SYNE1: variants seen among roughly 807,000 people sequenced by gnomAD.
SYNE1 encodes spectrin repeat containing nuclear envelope protein 1.
A neutral mutation model predicts 1,111.0 loss-of-function variants in SYNE1; 616 were observed. That is an observed-to-expected ratio of 0.55 (90% CI 0.52 to 0.59). SYNE1 has a LOEUF of 0.59. SYNE1 is among the 20% of genes least tolerant of loss of function. SYNE1 has a pLI of 0.00. For missense variants in SYNE1, 10,006 were observed against 10,417.0 expected (o/e 0.96, Z 1.72); for synonymous variants, 3,855 against 3,825.8 (o/e 1.01, Z -0.28).
rs138395598 is a variant in SYNE1, at chr6:152,364,686, G to GAGGAAGGA, written c.10145+153_10145+160dup. On this transcript the variant is annotated intron_variant, in intron 63 of 145. Coordinates refer to ENST00000367255, the MANE Select transcript of SYNE1 (RefSeq NM_182961.4). Reference sequence around the variant, plus strand: ...AGGGAGGGAAGGAGGAAGGAGGAAGGAGGAAGGAAGGAAGGAAGGAAGGAA... The same window carrying GAGGAAGGA: ...AGGGAGGGAAGGAGGAAGGAGGAAGGAGGAAGGAAGGAAGGAAGGAAGGAAGGAAGGAA... Among the ~76,000 whole-genome samples the GAGGAAGGA allele has an allele frequency of 0.047, 5,057 of 107,946 alleles. 268 individuals are homozygous for GAGGAAGGA. Among genetic ancestry groups the GAGGAAGGA allele is most frequent in the African/African-American group, 0.11 (2,966 of 26,302 alleles). The allele number at this position is 107,946 out of a possible 152,430, so 70.8% of individuals were successfully genotyped here.
intron 22 of SYNE1, chr6:152,456,798 C>A: frequency 2.3e-6 from 1 of 429,388 alleles, no homozygotes; most frequent in Non-Finnish European, 4.6e-6. Flanking sequence ...TTTCAGTATC[C>A]TCAACTGCGT....
chr6:152,426,559 C>T (rs943885654), intron 38 of SYNE1, among the ~76,000 whole-genome samples: 1 of 152,224 alleles, frequency 6.6e-6, no homozygotes, highest in Non-Finnish European at 1.5e-5. Context: ...TGGAGATGGG[C>T]AGCAACAGTT....
rs765969281 is a variant in SYNE1 at position 152,436,051 on chromosome 6, T to C, written c.4200A>G (p.Val1400=). ...ESIAVQAENL[V]KEASEIPLGP... The stretch of plus-strand genomic sequence containing the variant: ...CAAGCGGTATCTCTGAAGCTTCCTT[T>C]ACAAGGTTCTCAGCCTGGACTGCAA... Residue 1400 remains valine (V), a synonymous_variant, in exon 33 of 146, where the codon GTA becomes GTG. Coordinates refer to ENST00000367255, the MANE Select transcript of SYNE1 (RefSeq NM_182961.4). The C allele has an allele frequency of 1.2e-6, 2 of 1,613,986 alleles. No homozygotes were observed. Among genetic ancestry groups the C allele is most frequent in the African/African-American group, 1.3e-5 (1 of 74,914 alleles).
intron 40 of SYNE1, among the ~76,000 whole-genome samples, chr6:152,418,339 C>A (rs923888102): frequency 6.6e-6 from 1 of 152,226 alleles, no homozygotes; most frequent in African/African-American, 2.4e-5. Context: ...GATGGTAGAG[C>A]CTAAATTCAC....
Position 152,413,379 on chromosome 6 carries a change from T to A in SYNE1, c.6203A>T (p.Asp2068Val). The change falls in exon 42 of 146, where the codon GAT becomes GTT. Residue 2068 changes from aspartate to valine, a missense_variant. Asp to Val is a radical substitution (Grantham distance 152). Transcript: ENST00000367255. ...REINRLEVTWDDTKRLIHENQ... is the reference protein window; with the variant it reads ...REINRLEVTWVDTKRLIHENQ... Reference sequence around the variant, plus strand: ...TTCATGAATTAGTCTTTTGGTATCATCCCAGGTGACCTCTAAGCGGTTTAT... The same window carrying A: ...TTCATGAATTAGTCTTTTGGTATCAACCCAGGTGACCTCTAAGCGGTTTAT... The A allele has an allele frequency of 6.2e-7, 1 of 1,614,124 alleles. No homozygotes were observed. Among genetic ancestry groups the A allele is most frequent in the South Asian group, 1.1e-5 (1 of 91,086 alleles).
At chr6:152,361,852 A>T (rs1307167487) in intron 64 of SYNE1, among the ~76,000 whole-genome samples, 1 of 152,160 alleles carries the variant, frequency 6.6e-6, no homozygotes, top group African/African-American at 2.4e-5. Context: ...TGATAAAAAA[A>T]AAAAAAAAAG....
intron 8 of SYNE1, among the ~76,000 whole-genome samples, chr6:152,505,960 T>C (rs1454702616): frequency 6.6e-6 from 1 of 152,260 alleles, no homozygotes. Flanking sequence ...ATTGCAATTA[T>C]ATCTCAAAGT....
intron 127 of SYNE1, among the ~76,000 whole-genome samples, chr6:152,193,069 T>C (rs1039076415): frequency 4.6e-5 from 7 of 152,340 alleles, no homozygotes; most frequent in African/African-American, 1.4e-4. Context: ...AATGTTGTTA[T>C]TGATAAGTAA....
chr6:152,513,291 A>G lies in SYNE1; in HGVS notation c.310-2188T>C, dbSNP rs1022217252. ...CCAATGTGATTGTATTTGGAGAATG[A>G]GTCTTTAAAGAGATAATTGAAGTTA... is the stretch of plus-strand genomic sequence containing the variant. On this transcript the variant is annotated intron_variant, in intron 6 of 145. Transcript: ENST00000367255. Among the ~76,000 whole-genome samples the G allele has an allele frequency of 3.3e-5, 5 of 152,272 alleles. No homozygotes were observed. The South Asian group carries it at 1.0e-3, about 32-fold the overall frequency.
rs774701564 is a variant in SYNE1 at position 152,381,196 on chromosome 6, G to A, written c.8819C>T (p.Thr2940Met). 1.2e-5 allele frequency: 19 copies of A among 1,614,030 alleles called. No homozygotes were observed. The highest frequency in any genetic ancestry group is 6.7e-5 in the African/African-American group (5 of 74,916). Residue 2940 changes from threonine (T) to methionine (M), a missense_variant, in exon 56 of 146, where the codon ACG (threonine) becomes ATG (methionine). Thr to Met is a moderately conservative substitution (Grantham distance 81). Around this residue, in one of 7 missense-constraint regions of SYNE1, gnomAD observed 4,955 missense variants for 5,017.2 expected, o/e 0.99. Transcript: ENST00000367255. ...GACCAGGTTCTCCAAACAGCTCTGC[G>A]TTTGGAATACACTGTCTTCCCACTG... ...WKQWEDSVFQTQSCLENLVSQ... is the reference protein window; with the variant it reads ...WKQWEDSVFQMQSCLENLVSQ...
At chr6:152,253,846 T>TTTTTTTTTTTTTG (rs2090129235) in intron 104 of SYNE1, among the ~76,000 whole-genome samples, 1 of 106,562 alleles carries the variant, frequency 9.4e-6, no homozygotes, top group African/African-American at 4.6e-5. Flanking sequence ...TTTTTTTTTT[T>TTTTTTTTTTTTTG]TTTTTTTTTT....
rs145882121 is a variant in SYNE1, at chr6:152,451,468, A to ATTT, written c.3028-266_3028-264dup. Among the ~76,000 whole-genome samples, 99 of 49,830 alleles carry ATTT rather than the reference A, an allele frequency of 2.0e-3. 13 individuals carry two copies. Among genetic ancestry groups the ATTT allele is most frequent in the African/African-American group, 4.9e-3 (58 of 11,948 alleles). 32.7% of individuals were successfully genotyped at this position (49,830 alleles called of 152,430 possible). ...AATTTTCACAGTAGCCCTGCACCGT[A>ATTT]TTTTTTTTTTTTTTTTTTTTTTTTT... is the stretch of plus-strand genomic sequence containing the variant. On this transcript the variant is annotated intron_variant, in intron 25 of 145. Coordinates refer to ENST00000367255, the MANE Select transcript of SYNE1 (RefSeq NM_182961.4).
At chr6:152,259,573 T>C (rs1469665927) in intron 101 of SYNE1, among the ~76,000 whole-genome samples, 1 of 152,212 alleles carries the variant, frequency 6.6e-6, no homozygotes, top group African/African-American at 2.4e-5. Flanking sequence ...ATCGGCTTCC[T>C]GATTCCAGAT....
intron 99 of SYNE1, 140 bp from the exon 100 acceptor site, chr6:152,268,305 ATGT>A: frequency 1.5e-6 from 1 of 684,002 alleles, no homozygotes; most frequent in Non-Finnish European, 2.6e-6. Flanking sequence ...CATGAGGTTT[ATGT>A]AAATATTCAA....
intron 90 of SYNE1, 91 bp downstream of exon 90, chr6:152,309,744 G>A: frequency 3.3e-6 from 5 of 1,516,700 alleles, no homozygotes; most frequent in African/African-American, 1.4e-5. Flanking sequence ...CACCCTGGAT[G>A]TGTTTTGATG....
chr6:152,303,402 CAA>C (rs373230705), intron 91 of SYNE1, among the ~76,000 whole-genome samples: 13 of 120,358 alleles, frequency 1.1e-4, no homozygotes, highest in Non-Finnish European at 1.2e-4. Context: ...GACTCTGTCT[CAA>C]AAAAAAAAAA....
intron 30 of SYNE1, 62 bp downstream of exon 30, chr6:152,444,349 C>A: frequency 1.3e-6 from 2 of 1,573,634 alleles, no homozygotes; most frequent in Non-Finnish European, 1.7e-6. Flanking sequence ...CTTTATCTCT[C>A]TGGTTCTTTC....
intron 10 of SYNE1, among the ~76,000 whole-genome samples, chr6:152,501,274 GT>G (rs2099028364): frequency 6.6e-6 from 1 of 151,652 alleles, no homozygotes; most frequent in Non-Finnish European, 1.5e-5. Context: ...CATGTCCGTT[GT>G]TTAAAAAAAC....
At chr6:152,546,108 A>G (rs2099311504) in intron 3 of SYNE1, 1 of 152,236 alleles carries the variant, frequency 6.6e-6, no homozygotes. Context: ...TGATTTGGGA[A>G]CAGAATTATA....
Sources: gnomAD v4.1 joint callset for allele counts (sites outside exome capture counted in the v4.1 genomes callset) on GRCh38, gnomAD v4.1.1 for gene constraint, gnomAD v4.1.1 regional missense constraint, MANE v1.5 for transcripts, NCBI Gene and HGNC (gene_info 2026-07-23, HGNC 2026-07-21) for gene names.